RPS6KC1: variants seen among roughly 807,000 people sequenced by gnomAD.
The protein encoded by RPS6KC1 is inactive ribosomal protein S6 kinase delta-1.
In RPS6KC1, 54 loss-of-function variants were observed where a neutral mutation model predicts 103.8. The ratio of observed to expected loss-of-function variants is 0.52; its 90% CI spans 0.42 to 0.65. The LOEUF is 0.65. Ranked by LOEUF, RPS6KC1 falls within the 30% of genes least tolerant of loss-of-function variation. The pLI is 0.00. For synonymous variants in RPS6KC1, 439 were observed against 438.7 expected, an observed-to-expected ratio of 1.00 and a Z score of -0.01; for missense variants, 1,151 against 1,253.8, an observed-to-expected ratio of 0.92 and a Z score of 1.24.
At chr1:213,114,841 A>T (rs2083410236) in intron 4 of RPS6KC1, among the ~76,000 whole-genome samples, 1 of 152,162 alleles carries the variant, frequency 6.6e-6, no homozygotes, top group Admixed American at 6.5e-5. Context: ...TTCTGTTTAT[A>T]TGCTGGATTA....
chr1:213,715,413 T>C, the RPS6KC1 span, among the ~76,000 whole-genome samples: 1 of 152,218 alleles, frequency 6.6e-6, no homozygotes, highest in Non-Finnish European at 1.5e-5. Flanking sequence ...GTTCTCTATA[T>C]ATGTCAGTTG....
chr1:213,326,773 T>C, the RPS6KC1 span, among the ~76,000 whole-genome samples: 2 of 152,184 alleles, frequency 1.3e-5, no homozygotes, highest in Non-Finnish European at 2.9e-5. Context: ...AGAAACTGAT[T>C]GTGTAGATAC....
chr1:213,773,046 T>G, the RPS6KC1 span, among the ~76,000 whole-genome samples: 1 of 152,140 alleles, frequency 6.6e-6, no homozygotes, highest in African/African-American at 2.4e-5. Context: ...TGCAAAGCCT[T>G]TTCCCCTTCA....
At chr1:213,118,053 C>A (rs971754258) in intron 5 of RPS6KC1, among the ~76,000 whole-genome samples, 2 of 64,628 alleles carry the variant, frequency 3.1e-5, no homozygotes, top group Non-Finnish European at 6.3e-5. Context: ...TTACTCATTT[C>A]TTTAGCGCAT....
At chr1:213,722,082 G>C in the RPS6KC1 span, among the ~76,000 whole-genome samples, 1 of 152,178 alleles carries the variant, frequency 6.6e-6, no homozygotes, top group Non-Finnish European at 1.5e-5. Flanking sequence ...CAGATGTGGA[G>C]CTAGTATGCT....
the RPS6KC1 span, among the ~76,000 whole-genome samples, chr1:213,574,000 C>A: frequency 6.6e-6 from 1 of 152,242 alleles, no homozygotes; most frequent in Admixed American, 6.5e-5. Context: ...CAGTGCAAGC[C>A]CTGACCCTGT....
the RPS6KC1 span, among the ~76,000 whole-genome samples, chr1:213,689,874 C>T: frequency 6.6e-6 from 1 of 152,196 alleles, no homozygotes; most frequent in Admixed American, 6.5e-5. Flanking sequence ...GATCAATGTA[C>T]ACCCATTGAC....
the RPS6KC1 span, among the ~76,000 whole-genome samples, chr1:213,504,636 A>G: frequency 6.6e-6 from 1 of 152,216 alleles, no homozygotes; most frequent in Non-Finnish European, 1.5e-5. Flanking sequence ...CACTTACTTA[A>G]CAGTTTAACT....
At chr1:213,767,976 G>T in the RPS6KC1 span, among the ~76,000 whole-genome samples, 1 of 152,184 alleles carries the variant, frequency 6.6e-6, no homozygotes, top group Non-Finnish European at 1.5e-5. Flanking sequence ...GCAGATAGCA[G>T]GTAGGGAAAA....
the RPS6KC1 span, among the ~76,000 whole-genome samples, chr1:213,474,144 C>T: frequency 1.5e-4 from 23 of 152,130 alleles, no homozygotes; most frequent in Non-Finnish European, 3.1e-4. Context: ...GGGCCTCTGA[C>T]TAATTTTAGC....
the RPS6KC1 span, among the ~76,000 whole-genome samples, chr1:213,425,972 G>A: frequency 6.6e-6 from 1 of 152,126 alleles, no homozygotes. Flanking sequence ...AGGTGTCCTC[G>A]AGAGAGAATA....
At chr1:213,771,242 G>A in the RPS6KC1 span, among the ~76,000 whole-genome samples, 8 of 152,006 alleles carry the variant, frequency 5.3e-5, no homozygotes, top group Non-Finnish European at 1.0e-4. Flanking sequence ...TTGAGGTCCC[G>A]AGTGGTATCC....
At chr1:213,755,643 A>C in the RPS6KC1 span, among the ~76,000 whole-genome samples, 1 of 152,150 alleles carries the variant, frequency 6.6e-6, no homozygotes, top group Non-Finnish European at 1.5e-5. Flanking sequence ...AAGCAAGAGG[A>C]TGTAAGATGG....
chr1:213,857,234 C>A, the RPS6KC1 span, among the ~76,000 whole-genome samples: 2 of 152,158 alleles, frequency 1.3e-5, no homozygotes, highest in African/African-American at 4.8e-5. Context: ...AGTCTGTGAG[C>A]CACCATTGTC....
the RPS6KC1 span, among the ~76,000 whole-genome samples, chr1:213,670,296 C>T: frequency 6.6e-6 from 1 of 152,256 alleles, no homozygotes; most frequent in South Asian, 2.1e-4. Context: ...GGGATCTGGG[C>T]TACTGCTCAC....
At chr1:213,819,454 A>T in the RPS6KC1 span, 1 of 152,194 alleles carries the variant, frequency 6.6e-6, no homozygotes. Flanking sequence ...TGCATCTAAG[A>T]TGGGGCCCAG....
At chr1:213,161,125 C>T (rs2090433027) in intron 6 of RPS6KC1, among the ~76,000 whole-genome samples, 1 of 152,042 alleles carries the variant, frequency 6.6e-6, no homozygotes, top group Admixed American at 6.6e-5. Context: ...TTGAGATGAC[C>T]ATGTGCCTGG....
the RPS6KC1 span, among the ~76,000 whole-genome samples, chr1:213,499,383 G>A: frequency 4.4e-4 from 67 of 152,162 alleles, no homozygotes; most frequent in Non-Finnish European, 9.1e-4. Flanking sequence ...ACCAGGGACC[G>A]TTTTCATGGT....
the RPS6KC1 span, among the ~76,000 whole-genome samples, chr1:213,736,000 C>T: frequency 6.6e-6 from 1 of 152,152 alleles, no homozygotes; most frequent in Non-Finnish European, 1.5e-5. Flanking sequence ...AGAGGTTGGC[C>T]TTAACACCCG....
Sources: gnomAD v4.1 joint callset for allele counts (sites outside exome capture counted in the v4.1 genomes callset) on GRCh38, gnomAD v4.1.1 for gene constraint, MANE v1.5 for transcripts, NCBI Gene and HGNC (gene_info 2026-07-23, HGNC 2026-07-21) for gene names.